The following AIG1 variants were observed in gnomAD, a reference collection of about 807,000 sequenced individuals.
AIG1 encodes androgen induced 1.
Under a neutral mutation model 31.4 loss-of-function variants are expected in AIG1, and 23 were observed. That is an observed-to-expected ratio of 0.73 (90% CI 0.53 to 1.04). AIG1 has a LOEUF of 1.04. Among genes scored for constraint, AIG1 ranks in the 50% least tolerant of loss-of-function variants. The pLI is 0.00. For synonymous variants in AIG1, 100 were observed against 110.5 expected, an observed-to-expected ratio of 0.90 and a Z score of 0.60; for missense variants, 274 against 295.0, an observed-to-expected ratio of 0.93 and a Z score of 0.52.
At chr6:143,229,739 G>A (rs1217443022) in intron 3 of AIG1, among the ~76,000 whole-genome samples, 2 of 123,140 alleles carry the variant, frequency 1.6e-5, no homozygotes, top group East Asian at 5.2e-4. Flanking sequence ...TAATCCTTTT[G>A]TAATAATTTC....
chr6:143,122,563 T>G (rs1782329044), intron 1 of AIG1, among the ~76,000 whole-genome samples: 1 of 152,252 alleles, frequency 6.6e-6, no homozygotes, highest in African/African-American at 2.4e-5. Flanking sequence ...GTTGATAGAT[T>G]TATAAAATCT....
chr6:143,223,217 G>A (rs776942119), intron 3 of AIG1, among the ~76,000 whole-genome samples: 1 of 152,162 alleles, frequency 6.6e-6, no homozygotes, highest in Non-Finnish European at 1.5e-5. Context: ...GCATCTACTG[G>A]CAACTGGTTA....
chr6:143,311,080 T>C (rs1006338779), intron 4 of AIG1, among the ~76,000 whole-genome samples: 3 of 152,014 alleles, frequency 2.0e-5, no homozygotes, highest in Admixed American at 2.0e-4. Flanking sequence ...AGGGAATACC[T>C]CCTAACTCAT....
chr6:143,091,969 T>A (rs1779344039), intron 1 of AIG1, among the ~76,000 whole-genome samples: 1 of 152,130 alleles, frequency 6.6e-6, no homozygotes, highest in Non-Finnish European at 1.5e-5. Flanking sequence ...GCTTTTTAGG[T>A]GTATTAGTAA....
intron 3 of AIG1, among the ~76,000 whole-genome samples, chr6:143,201,863 T>C (rs1343586142): frequency 6.6e-6 from 1 of 152,208 alleles, no homozygotes; most frequent in Non-Finnish European, 1.5e-5. Context: ...CCTCAGGAAC[T>C]AGCAAGTTAG....
chr6:143,213,133 A>T (rs1453189858), intron 3 of AIG1, among the ~76,000 whole-genome samples: 2 of 152,202 alleles, frequency 1.3e-5, no homozygotes, highest in Non-Finnish European at 2.9e-5. Context: ...AATTACAGAG[A>T]AAGTGGAAAT....
At chr6:143,342,967 C>T (rs1583927152), downstream of AIG1, 2 of 991,352 alleles carry the variant, frequency 2.0e-6, no homozygotes, top group East Asian at 4.8e-5. Flanking sequence ...CATTCTGGGT[C>T]AAGAGCAGTT....
Position 143,319,673 on chromosome 6 carries a change from G to GT in AIG1, c.516-13600dup, listed in dbSNP as rs140600590. Among the ~76,000 whole-genome samples, 407 of 150,888 alleles carry GT rather than the reference G, an allele frequency of 2.7e-3. 3 individuals are homozygous for GT. The highest frequency in any genetic ancestry group is 8.3e-3 in the African/African-American group (343 of 41,134). ...AGATAACAACAAAGCTAAGAGTTGG[G>GT]TTTTTTTTTGAAAAGATAAACAACA... On this transcript the variant is annotated intron_variant, in intron 4 of 5. Transcript: ENST00000357847.
chr6:143,191,888 T>C (rs1256965819), intron 3 of AIG1, among the ~76,000 whole-genome samples: 3 of 151,828 alleles, frequency 2.0e-5, no homozygotes, highest in Non-Finnish European at 4.4e-5. Context: ...ATGAGCCAGT[T>C]ATTTGGAACT....
intron 2 of AIG1, among the ~76,000 whole-genome samples, chr6:143,164,284 T>C (rs1012023604): frequency 1.4e-4 from 22 of 152,220 alleles, no homozygotes; most frequent in African/African-American, 5.3e-4. Flanking sequence ...ACACTTTTTC[T>C]TTTAAATTCA....
chr6:143,171,116 A>G (rs1162534934), intron 3 of AIG1, among the ~76,000 whole-genome samples: 1 of 151,880 alleles, frequency 6.6e-6, no homozygotes, highest in Non-Finnish European at 1.5e-5. Context: ...TGAAAAATCA[A>G]CAAGTAGATA....
At chr6:143,304,153 C>A (rs1419352832) in intron 4 of AIG1, among the ~76,000 whole-genome samples, 1 of 152,056 alleles carries the variant, frequency 6.6e-6, no homozygotes, top group African/African-American at 2.4e-5. Flanking sequence ...TCTAAATTTA[C>A]AATCATGTCA....
At chr6:143,085,975 T>C (rs1019608489) in intron 1 of AIG1, among the ~76,000 whole-genome samples, 1 of 152,258 alleles carries the variant, frequency 6.6e-6, no homozygotes, top group African/African-American at 2.4e-5. Context: ...AATAGCCCCA[T>C]ACTTTAAGAT....
At chr6:143,076,000 T>C (rs1201055491) in intron 1 of AIG1, among the ~76,000 whole-genome samples, 1 of 152,216 alleles carries the variant, frequency 6.6e-6, no homozygotes, top group Non-Finnish European at 1.5e-5. Context: ...ATATGGGCCA[T>C]CATGTTACAT....
chr6:143,100,176 G>C (rs946248151), intron 1 of AIG1, among the ~76,000 whole-genome samples: 4 of 152,148 alleles, frequency 2.6e-5, no homozygotes, highest in African/African-American at 4.8e-5. Flanking sequence ...GCTTGTGCTG[G>C]TACTTTCTAT....
chr6:143,328,569 C>T lies in AIG1; in HGVS notation c.516-4713C>T, dbSNP rs1351740515. ...CTGTGTTTCTCATTACACTGTACTC[C>T]ATGAGGACAGGAGTTAGCTCTGCCT... On this transcript the variant is annotated intron_variant, in intron 4 of 5. Coordinates refer to ENST00000357847, the MANE Select transcript of AIG1 (RefSeq NM_016108.4). The surrounding 1 kb of genome is among the most constrained non-coding windows in gnomAD (Gnocchi z 4.0). Among the ~76,000 whole-genome samples the T allele has an allele frequency of 1.3e-5, 2 of 152,272 alleles. No individual in the cohort carries two copies. Among genetic ancestry groups the T allele is most frequent in the East Asian group, 3.9e-4 (2 of 5,178 alleles).
intron 4 of AIG1, among the ~76,000 whole-genome samples, chr6:143,294,164 T>C (rs1342757483): frequency 6.6e-6 from 1 of 152,228 alleles, no homozygotes; most frequent in Non-Finnish European, 1.5e-5. Context: ...ACCCCATTCA[T>C]GCCCATCACT....
chr6:143,230,848 C>T (rs994936936), intron 3 of AIG1, among the ~76,000 whole-genome samples: 1 of 152,164 alleles, frequency 6.6e-6, no homozygotes, highest in Non-Finnish European at 1.5e-5. Context: ...TCTGACTCCT[C>T]AACTTGTCTC....
intron 1 of AIG1, among the ~76,000 whole-genome samples, chr6:143,121,237 T>A (rs573814529): frequency 2.0e-5 from 3 of 152,230 alleles, no homozygotes; most frequent in African/African-American, 7.2e-5. Flanking sequence ...CCTCTAGCGC[T>A]GCTGGGTTAG....
Sources: gnomAD v4.1 joint callset for allele counts (sites outside exome capture counted in the v4.1 genomes callset) on GRCh38, gnomAD v4.1.1 for gene constraint, Gnocchi (gnomAD v3.1) non-coding constraint, MANE v1.5 for transcripts, NCBI Gene and HGNC (gene_info 2026-07-23, HGNC 2026-07-21) for gene names.